Variants in TTI2 observed in about 807,000 individuals in gnomAD.
TTI2 encodes TELO2 interacting protein 2, also known as TELO2-interacting protein 2.
In TTI2, 26 loss-of-function variants were observed where a neutral mutation model predicts 44.9. That is an observed-to-expected ratio of 0.58 (90% CI 0.42 to 0.80). TTI2 has a LOEUF of 0.80. Ranked by LOEUF, TTI2 falls within the 30% of genes least tolerant of loss-of-function variation. The pLI is 0.00. For synonymous variants in TTI2, 254 were observed against 250.9 expected (o/e 1.01, Z -0.12); for missense variants, 582 against 611.6 (o/e 0.95, Z 0.51).
chr8:33,499,342 G>C, intron 7 of TTI2, 65 bp from the exon 8 acceptor site: 1 of 1,154,916 alleles, frequency 8.7e-7, no homozygotes, highest in Non-Finnish European at 1.3e-6. Context: ...CCTTTTGCTT[G>C]ATTCTTCTTC....
chr8:33,503,657 T>G, intron 5 of TTI2, 85 bp from the exon 6 acceptor site: 1 of 1,608,462 alleles, frequency 6.2e-7, no homozygotes, highest in Non-Finnish European at 8.5e-7. Context: ...GTGGGAGGAT[T>G]GCTTGAGGCC....
chr8:33,509,978 G>GAAAAAA, intron 2 of TTI2, 46 bp from the exon 3 acceptor site: 1 of 265,302 alleles, frequency 3.8e-6, no homozygotes, highest in Non-Finnish European at 5.7e-6. Context: ...GTGATAAGTA[G>GAAAAAA]CAAAAAAAAA....
At position 33,498,770 on chromosome 8, in the gene TTI2, C is replaced by T; in HGVS notation, c.*403G>A. On this transcript the variant is annotated 3_prime_UTR_variant, in exon 8 of 8. Coordinates refer to ENST00000431156, the MANE Select transcript of TTI2 (RefSeq NM_001102401.4). ...ATATTTGTGTTTTTATTATTTATGCCACGTCAGTGGGGCAAGAAATCTGGA... is the reference window on the plus strand; with the variant it reads ...ATATTTGTGTTTTTATTATTTATGCTACGTCAGTGGGGCAAGAAATCTGGA... The T allele has an allele frequency of 2.7e-6, 2 of 749,992 alleles. No individual in the cohort carries two copies. The highest frequency in any genetic ancestry group is 2.7e-5 in the East Asian group (1 of 37,068). 46.5% of individuals were successfully genotyped at this position (749,992 alleles called of 1,614,324 possible).
intron 3 of TTI2, among the ~76,000 whole-genome samples, 198 bp downstream of exon 3, chr8:33,509,548 C>CAAA: frequency 6.6e-6 from 1 of 151,904 alleles, no homozygotes; most frequent in Non-Finnish European, 1.5e-5. Context: ...CCCATGCCTT[C>CAAA]CTGTTTCTTC....
At chr8:33,509,101 C>T (rs1809413093) in intron 3 of TTI2, among the ~76,000 whole-genome samples, 1 of 147,444 alleles carries the variant, frequency 6.8e-6, no homozygotes, top group Non-Finnish European at 1.5e-5. Flanking sequence ...CAAGATCACA[C>T]TCCAGCCCAG....
rs189027760 is a variant in TTI2 at position 33,506,275 on chromosome 8, C to T, written c.927+954G>A. ...TTGGATGAAATAATAAATCACACTC[C>T]GATATCTAACATGCAAGAAGTTTCA... On this transcript the variant is annotated intron_variant, in intron 4 of 7. Coordinates refer to ENST00000431156, the MANE Select transcript of TTI2 (RefSeq NM_001102401.4). 1.2e-4 allele frequency among the ~76,000 whole-genome samples: 18 copies of T among 152,178 alleles called. 1 individual carries two copies. The highest frequency in any genetic ancestry group is 4.3e-4 in the African/African-American group (18 of 41,522).
At position 33,509,933 on chromosome 8, in the gene TTI2, C is replaced by T; in HGVS notation, c.648-1G>A. The T allele has an allele frequency of 6.4e-7, 1 of 1,553,944 alleles. No individual in the cohort carries two copies. The highest frequency in any genetic ancestry group is 8.7e-7 in the Non-Finnish European group (1 of 1,143,752). The stretch of plus-strand genomic sequence containing the variant: ...GGCAGGGTTATTCTTCCAGGATTCC[C>T]TAAGTGAATACATAGAATTACATTA... On this transcript the variant is annotated splice_acceptor_variant, in intron 2 of 7. Transcript: ENST00000431156. LOFTEE classifies it high-confidence loss of function.
At chr8:33,504,217 A>T (rs1435188526) in intron 4 of TTI2, among the ~76,000 whole-genome samples, 1 of 150,478 alleles carries the variant, frequency 6.6e-6, no homozygotes, top group Non-Finnish European at 1.5e-5. Flanking sequence ...TTTAATCCAG[A>T]TTTTAGGAAT....
chr8:33,499,565 TAGGGCTTGA>T (rs1808988092), intron 7 of TTI2: 2 of 327,910 alleles, frequency 6.1e-6, no homozygotes, highest in South Asian at 7.3e-5. Flanking sequence ...CAGTTGGATC[TAGGGCTTGA>T]AAACTGCCCA....
chr8:33,511,187 C>G (rs552838722), intron 2 of TTI2, among the ~76,000 whole-genome samples: 1 of 152,028 alleles, frequency 6.6e-6, no homozygotes, highest in African/African-American at 2.4e-5. Flanking sequence ...GGATTACAGG[C>G]GTCCACCACC....
intron 7 of TTI2, 28 bp downstream of exon 7, chr8:33,500,300 A>C: frequency 3.1e-6 from 5 of 1,613,712 alleles, no homozygotes; most frequent in Non-Finnish European, 4.2e-6. Flanking sequence ...ATGAGGCCCA[A>C]CTGAAACCAA....
At chr8:33,500,140 T>C in intron 7 of TTI2, 188 bp downstream of exon 7, 1 of 622,944 alleles carries the variant, frequency 1.6e-6, no homozygotes, top group Admixed American at 2.9e-5. Context: ...TGGTTCTGAA[T>C]AGCTTTAAAA....
chr8:33,512,173 T>G lies in TTI2; in HGVS notation c.441A>C (p.Ala147=). ...TGATGGCAAAAATATAAACGGGTCC[T>G]GCCAAGTGATGCAGGCCCGTCTGCC... is the stretch of plus-strand genomic sequence containing the variant. ...PAWQTGLHHL[A]GPVYIFAITH... is the part of the protein sequence containing the mutation. Residue 147 remains alanine (A), a synonymous_variant, in exon 2 of 8, where the codon GCA becomes GCC. Transcript: ENST00000431156. The G allele has an allele frequency of 1.2e-6, 2 of 1,614,204 alleles. No individual in the cohort carries two copies. The highest frequency in any genetic ancestry group is 1.7e-6 in the Non-Finnish European group (2 of 1,180,044).
At chr8:33,510,339 C>T (rs950834901) in intron 2 of TTI2, among the ~76,000 whole-genome samples, 9 of 152,146 alleles carry the variant, frequency 5.9e-5, no homozygotes, top group African/African-American at 1.9e-4. Context: ...AGTGTACACA[C>T]GACTTAACTA....
Position 33,499,053 on chromosome 8 carries a change from GA to G in TTI2, c.*119del. ...TGGAGGTAAAAGGAAAGGAAGGAAG[GA>G]AAAAGCAGCTTTCACTTACAAAGTT... is the stretch of plus-strand genomic sequence containing the variant. On this transcript the variant is annotated 3_prime_UTR_variant, in exon 8 of 8. Transcript: ENST00000431156. The G allele has an allele frequency of 1.2e-6, 1 of 847,520 alleles. No homozygotes were observed. The highest frequency in any genetic ancestry group is 1.9e-6 in the Non-Finnish European group (1 of 514,372). The allele number at this position is 847,520 out of a possible 1,614,324, so 52.5% of individuals were successfully genotyped here. A position where few individuals can be genotyped will look rare whatever the true frequency, so the allele number is the denominator to read the frequency against.
chr8:33,507,005 T>C (rs1336821244), intron 4 of TTI2, among the ~76,000 whole-genome samples: 1 of 152,102 alleles, frequency 6.6e-6, no homozygotes, highest in Admixed American at 6.6e-5. Context: ...CAAAGTAATA[T>C]ACAATTGACT....
intron 3 of TTI2, among the ~76,000 whole-genome samples, chr8:33,508,087 TAAA>T (rs58891946): frequency 0.021 from 404 of 19,438 alleles, 4 homozygotes; most frequent in African/African-American, 0.063. Context: ...CTAGCGGTAG[TAAA>T]AAAAAAAAAA....
At chr8:33,507,886 G>A (rs761542616) in intron 3 of TTI2, among the ~76,000 whole-genome samples, 18 of 150,840 alleles carry the variant, frequency 1.2e-4, no homozygotes, top group Non-Finnish European at 1.9e-4. Context: ...CTACTTGGGA[G>A]GCTGAGGTGG....
chr8:33,501,429 C>G (rs1437092379), intron 6 of TTI2, among the ~76,000 whole-genome samples: 3 of 152,176 alleles, frequency 2.0e-5, no homozygotes, highest in Admixed American at 6.5e-5. Context: ...TTCTACCTCC[C>G]TACATTTATT....
Sources: allele counts gnomAD v4.1 joint callset (sites outside exome capture counted in the v4.1 genomes callset), GRCh38; gene constraint gnomAD v4.1.1; transcripts MANE v1.5; gene names NCBI Gene and HGNC (gene_info 2026-07-23, HGNC 2026-07-21).